The following CBFA2T3 variants were observed in gnomAD, a reference collection of about 807,000 sequenced individuals.
CBFA2T3 encodes CBFA2/RUNX1 partner transcriptional co-repressor 3.
In CBFA2T3, 31 loss-of-function variants were observed where a neutral mutation model predicts 58.6. That is an observed-to-expected ratio of 0.53 (90% confidence interval 0.40 to 0.71). The LOEUF is 0.71. Among genes scored for constraint, CBFA2T3 ranks in the 30% least tolerant of loss-of-function variants. The pLI is 0.00. For missense variants in CBFA2T3, 1,076 were observed against 963.1 expected, an observed-to-expected ratio of 1.12 and a Z score of -1.55; for synonymous variants, 531 against 421.9, an observed-to-expected ratio of 1.26 and a Z score of -3.17.
chr16:88,954,400 C>CCCCAG (rs1972158810), intron 1 of CBFA2T3, among the ~76,000 whole-genome samples: 2 of 71,368 alleles, frequency 2.8e-5, no homozygotes, highest in Non-Finnish European at 7.0e-5. Context: ...CCTGACCCTA[C>CCCCAG]CCAAGACTCC....
Position 88,905,788 on chromosome 16 carries a change from G to C in CBFA2T3, c.152-4132C>G, listed in dbSNP as rs184638299. ...GGTGGGGATGAGGGGGCGGGGCTGA[G>C]AGCTAGTCTGCGGCAGGTGGGAGGG... On this transcript the variant is annotated intron_variant, in intron 1 of 11. Coordinates refer to ENST00000268679, the MANE Select transcript of CBFA2T3 (RefSeq NM_005187.6). Among the ~76,000 whole-genome samples, 882 of 149,702 alleles carry C rather than the reference G, an allele frequency of 5.9e-3. 17 individuals carry two copies. The highest frequency in any genetic ancestry group is 0.021 in the African/African-American group (841 of 40,178).
intron 1 of CBFA2T3, among the ~76,000 whole-genome samples, chr16:88,912,655 G>C (rs575878502): frequency 1.4e-4 from 22 of 152,326 alleles, no homozygotes; most frequent in African/African-American, 5.3e-4. Context: ...CCCCAGGGCA[G>C]GGCCCTGAAC....
chr16:88,911,764 G>C (rs1645754104), intron 1 of CBFA2T3, among the ~76,000 whole-genome samples: 1 of 152,272 alleles, frequency 6.6e-6, no homozygotes, highest in Admixed American at 6.5e-5. Context: ...GCGTGGAGCT[G>C]GTGCAGGTGG....
chr16:88,974,399 G>A (rs1022451979), intron 1 of CBFA2T3, among the ~76,000 whole-genome samples: 4 of 152,078 alleles, frequency 2.6e-5, no homozygotes, highest in Admixed American at 1.3e-4. Flanking sequence ...AAGGGGTCCC[G>A]GCCCCCAGAC....
rs539050965 is a variant in CBFA2T3 at position 88,885,946 on chromosome 16, G to A, written c.893+15C>T. 1.8e-5 allele frequency: 28 copies of A among 1,545,942 alleles called. No homozygotes were observed. The highest frequency in any genetic ancestry group is 1.3e-4 in the South Asian group (11 of 83,946). On this transcript the variant is annotated intron_variant, in intron 6 of 11. Transcript: ENST00000268679. The surrounding 1 kb of genome is among the most constrained non-coding windows in gnomAD (Gnocchi z 5.3). ...CACGGCACCCCCAGCCCAGATCCCC[G>A]GAGCCCACAGGTACCTGTCGGGCGT...
chr16:88,897,207 C>G (rs765482422), intron 3 of CBFA2T3, among the ~76,000 whole-genome samples: 9 of 152,238 alleles, frequency 5.9e-5, no homozygotes, highest in Non-Finnish European at 1.2e-4. Context: ...GAGCCACTGT[C>G]CAGGAGCTGC....
chr16:88,909,072 G>C (rs1235168981), intron 1 of CBFA2T3, among the ~76,000 whole-genome samples: 1 of 152,202 alleles, frequency 6.6e-6, no homozygotes, highest in Non-Finnish European at 1.5e-5. Flanking sequence ...GGCAGGGGAG[G>C]AGGAGGGCAT....
At chr16:88,899,126 G>A (rs535187178) in intron 2 of CBFA2T3, among the ~76,000 whole-genome samples, 1 of 144,370 alleles carries the variant, frequency 6.9e-6, no homozygotes, top group South Asian at 2.1e-4. Flanking sequence ...TGCGCCCAGG[G>A]CTGTCACTGG....
At chr16:88,933,183 C>T (rs1971376190) in intron 1 of CBFA2T3, among the ~76,000 whole-genome samples, 1 of 152,256 alleles carries the variant, frequency 6.6e-6, no homozygotes, top group African/African-American at 2.4e-5. Flanking sequence ...GCCTGGTGCA[C>T]CTCCCGTTTG....
chr16:88,917,822 G>C (rs929065340), intron 1 of CBFA2T3, among the ~76,000 whole-genome samples: 1 of 152,230 alleles, frequency 6.6e-6, no homozygotes, highest in East Asian at 1.9e-4. Flanking sequence ...GAGAGTGTGC[G>C]TGAAGACGAG....
chr16:88,915,569 G>A (rs1385086484), intron 1 of CBFA2T3, among the ~76,000 whole-genome samples: 32 of 15,020 alleles, frequency 2.1e-3, no homozygotes, highest in South Asian at 6.8e-3. Flanking sequence ...GAGAGTGGAC[G>A]GGGGAGCGTG....
Position 88,965,281 on chromosome 16 carries a change from T to A in CBFA2T3, c.151+11376A>T, listed in dbSNP as rs1239549176. 3.9e-5 allele frequency among the ~76,000 whole-genome samples: 6 copies of A among 152,274 alleles called. No individual in the cohort carries two copies. In the East Asian group the frequency reaches 1.2e-3, roughly 29 times the overall value. ...GAGGACCAGTTCTGCCCTTTGTTTT[T>A]AAGGCAGCATTTCTATAAATCAAGT... On this transcript the variant is annotated intron_variant, in intron 1 of 11. Transcript: ENST00000268679.
Position 88,877,225 on chromosome 16 carries a change from G to A in CBFA2T3, c.1713C>T (p.Asn571=), listed in dbSNP as rs569032656. The A allele has an allele frequency of 5.7e-5, 88 of 1,556,086 alleles. 2 individuals are homozygous for A. The South Asian group carries it at 9.1e-4, about 16-fold the overall frequency. ...RKASETCSGC[N]AARYCGSFCQ... ...AGAAGGACCCGCAGTAGCGTGCCGC[G>A]TTGCAGCCGCTGCACGTCTCACTGG... The change falls in exon 12 of 12, where the codon AAC becomes AAT. Residue 571 remains asparagine, a synonymous_variant. Transcript: ENST00000268679.
In CBFA2T3 at chr16:88,882,570, C is replaced by CTG. The variant is rs372564645; in HGVS notation, c.1203+104_1203+105dup. 3 of 383,712 alleles carry CTG rather than the reference C, an allele frequency of 7.8e-6. No individual in the cohort carries two copies. In the East Asian group the frequency reaches 3.3e-4, roughly 42 times the overall value. The allele number at this position is 383,712 out of a possible 1,614,324, so 23.8% of individuals were successfully genotyped here. A position where few individuals can be genotyped will look rare whatever the true frequency, so the allele number is the denominator to read the frequency against. On this transcript the variant is annotated intron_variant, in intron 8 of 11. Transcript: ENST00000268679. Reference sequence around the variant, plus strand: ...TGGGTGTGGCTGTGTGTGGGCATGGCTGTGGGCGTGGCTGTGTGTGCATGG... The same window carrying CTG: ...TGGGTGTGGCTGTGTGTGGGCATGGCTGTGTGGGCGTGGCTGTGTGTGCATGG...
chr16:88,879,750 C>T, intron 10 of CBFA2T3: 2 of 411,382 alleles, frequency 4.9e-6, no homozygotes, highest in Non-Finnish European at 4.4e-6. Flanking sequence ...CGTGGTGTCA[C>T]AAGTCAAAGC....
At chr16:88,909,713 G>A (rs1337843236) in intron 1 of CBFA2T3, among the ~76,000 whole-genome samples, 3 of 152,164 alleles carry the variant, frequency 2.0e-5, no homozygotes, top group African/African-American at 4.8e-5. Context: ...GTCCACGGCC[G>A]CCCTCCCGCC....
chr16:88,952,358 A>G (rs1972095956), intron 1 of CBFA2T3, among the ~76,000 whole-genome samples: 1 of 151,754 alleles, frequency 6.6e-6, no homozygotes, highest in East Asian at 1.9e-4. Context: ...TCAGCAAGAC[A>G]AATGCCCAGG....
intron 1 of CBFA2T3, among the ~76,000 whole-genome samples, chr16:88,962,876 C>T (rs1013706738): frequency 1.3e-5 from 2 of 152,226 alleles, no homozygotes; most frequent in Admixed American, 6.5e-5. Flanking sequence ...CCCAGGTCCA[C>T]TCGGAAGGGA....
chr16:88,914,421 C>G (rs913765486), intron 1 of CBFA2T3, among the ~76,000 whole-genome samples: 1 of 152,200 alleles, frequency 6.6e-6, no homozygotes, highest in Non-Finnish European at 1.5e-5. Context: ...AATGATGTCA[C>G]GGGACGCTCT....
Sources: gnomAD v4.1 joint callset for allele counts (sites outside exome capture counted in the v4.1 genomes callset) on GRCh38, gnomAD v4.1.1 for gene constraint, Gnocchi (gnomAD v3.1) non-coding constraint, MANE v1.5 for transcripts, NCBI Gene and HGNC (gene_info 2026-07-23, HGNC 2026-07-21) for gene names.